PLPP4: variants seen among roughly 807,000 people sequenced by gnomAD.
The protein encoded by PLPP4 is diacylglycerol pyrophosphate like 2.
In PLPP4, 20 loss-of-function variants were observed where a neutral mutation model predicts 32.2. The ratio of observed to expected loss-of-function variants is 0.62; its 90% CI spans 0.44 to 0.90. PLPP4 has a LOEUF of 0.90. Among genes scored for constraint, PLPP4 ranks in the 40% least tolerant of loss-of-function variants. The pLI, the probability that PLPP4 is intolerant of heterozygous loss-of-function variation, is 0.00. For synonymous variants in PLPP4, 127 were observed against 133.0 expected, an observed-to-expected ratio of 0.95 and a Z score of 0.31; for missense variants, 257 against 353.1, an observed-to-expected ratio of 0.73 and a Z score of 2.18.
At chr10:120,545,899 C>T (rs1333088384) in intron 5 of PLPP4, among the ~76,000 whole-genome samples, 1 of 152,084 alleles carries the variant, frequency 6.6e-6, no homozygotes, top group Non-Finnish European at 1.5e-5. Flanking sequence ...CAGCTGCCAG[C>T]GCGGCTAGAA....
chr10:120,543,298 T>C (rs1034834335), intron 5 of PLPP4, among the ~76,000 whole-genome samples: 20 of 152,254 alleles, frequency 1.3e-4, no homozygotes, highest in African/African-American at 4.8e-4. Flanking sequence ...CTGTGGATGG[T>C]AGAGGCAGAG....
chr10:120,473,300 A>G (rs369384265), intron 1 of PLPP4, among the ~76,000 whole-genome samples: 24 of 151,048 alleles, frequency 1.6e-4, no homozygotes, highest in African/African-American at 4.9e-4. Flanking sequence ...GGGCAAATCT[A>G]TCTTGTTTTT....
rs1564855638 is a variant in PLPP4 at position 120,580,675 on chromosome 10, ACAC to A, written c.616+5375_616+5377del. 1.1e-4 allele frequency among the ~76,000 whole-genome samples: 15 copies of A among 133,632 alleles called. 1 individual carries two copies. The highest frequency in any genetic ancestry group is 3.7e-3 in the Middle Eastern group (1 of 272). The allele number at this position is 133,632 out of a possible 152,430, so 87.7% of individuals were successfully genotyped here. ...CACACACACACACACACACACACAC[ACAC>A]ACGGCTGAGGGACATACACTGTTAT... On this transcript the variant is annotated intron_variant, in intron 6 of 6. Transcript: ENST00000398250.
intron 6 of PLPP4, among the ~76,000 whole-genome samples, chr10:120,575,913 G>A (rs965683299): frequency 1.3e-5 from 2 of 152,186 alleles, no homozygotes; most frequent in African/African-American, 2.4e-5. Context: ...CAGACAAACT[G>A]CAGCTCACAG....
rs933972164 is a variant in PLPP4, at chr10:120,589,420, C to A, written c.734C>A (p.Ala245Asp). Residue 245 changes from alanine (A) to aspartate (D), a missense_variant, in exon 7 of 7, where the codon GCC (alanine) becomes GAC (aspartate). Ala to Asp is a moderately radical substitution (Grantham distance 126, BLOSUM62 -2). Coordinates refer to ENST00000398250, the MANE Select transcript of PLPP4 (RefSeq NM_001030059.3). ...HKPYVSLRVPASLKKEERPTA... is the reference protein window; with the variant it reads ...HKPYVSLRVPDSLKKEERPTA... ...CCCTACGTTAGTCTGCGAGTCCCAG[C>A]CTCACTGAAGAAAGAGGAGAGGCCC... The A allele has an allele frequency of 6.2e-7, 1 of 1,614,080 alleles. No homozygotes were observed. Among genetic ancestry groups the A allele is most frequent in the African/African-American group, 1.3e-5 (1 of 75,056 alleles).
intron 5 of PLPP4, among the ~76,000 whole-genome samples, chr10:120,574,158 ACACACACACACTCTCT>A (rs1564849995): frequency 3.3e-5 from 4 of 121,182 alleles, no homozygotes; most frequent in African/African-American, 1.1e-4. Flanking sequence ...ACACACACAC[ACACACACACACTCTCT>A]CTCTCTCTCT....
chr10:120,473,031 T>C (rs1848584470), intron 1 of PLPP4, among the ~76,000 whole-genome samples: 1 of 152,206 alleles, frequency 6.6e-6, no homozygotes, highest in Non-Finnish European at 1.5e-5. Context: ...TTTTAACATA[T>C]TCATAATGGA....
chr10:120,476,300 CT>C (rs199884645), intron 1 of PLPP4, among the ~76,000 whole-genome samples: 1 of 151,924 alleles, frequency 6.6e-6, no homozygotes, highest in African/African-American at 2.4e-5. Flanking sequence ...TGCTTCTTCT[CT>C]TTTTTTTGTT....
chr10:120,457,333 G>A lies in PLPP4; in HGVS notation c.28G>A (p.Val10Met), dbSNP rs1191939275. 7.8e-6 allele frequency: 12 copies of A among 1,536,174 alleles called. No homozygotes were observed. The South Asian group carries it at 1.3e-4, about 17-fold the overall frequency. Residue 10 changes from valine to methionine, a missense_variant, in exon 1 of 7, where the codon GTG becomes ATG. By Grantham distance (21) the Val-to-Met change is conservative (BLOSUM62 1). Transcript: ENST00000398250. MRELAIEIGVRALLFGVFVF... is the reference protein window; with the variant it reads MRELAIEIGMRALLFGVFVF... ...GCGGGAGCTGGCCATTGAGATCGGGGTGCGAGCCCTGCTCTTCGGAGTCTT... is the reference window on the plus strand; with the variant it reads ...GCGGGAGCTGGCCATTGAGATCGGGATGCGAGCCCTGCTCTTCGGAGTCTT...
At chr10:120,538,332 G>C (rs7083770) in intron 5 of PLPP4, among the ~76,000 whole-genome samples, 193 of 151,550 alleles carry the variant, frequency 1.3e-3, no homozygotes, top group Middle Eastern at 6.8e-3. Context: ...CTCTGCCAAA[G>C]GAAAATGAAA....
At chr10:120,518,699 C>T (rs2133903064) in intron 3 of PLPP4, 134 bp from the exon 4 acceptor site, 1 of 664,012 alleles carries the variant, frequency 1.5e-6, no homozygotes, top group South Asian at 3.0e-5. Flanking sequence ...TCTCTGTTTT[C>T]AAAGTATTCG....
chr10:120,531,860 A>G (rs1242548670), intron 5 of PLPP4, among the ~76,000 whole-genome samples: 2 of 131,908 alleles, frequency 1.5e-5, no homozygotes, highest in East Asian at 4.5e-4. Flanking sequence ...GTGTGTACAC[A>G]CACTACACAC....
At chr10:120,544,906 T>G (rs1347132122) in intron 5 of PLPP4, among the ~76,000 whole-genome samples, 1 of 152,234 alleles carries the variant, frequency 6.6e-6, no homozygotes, top group East Asian at 1.9e-4. Context: ...CCATCTCCAC[T>G]CAGACATTTG....
intron 2 of PLPP4, among the ~76,000 whole-genome samples, chr10:120,512,526 A>G (rs1845770292): frequency 1.3e-5 from 2 of 152,214 alleles, no homozygotes; most frequent in South Asian, 4.1e-4. Context: ...TCCCCGAGAT[A>G]ATTTGAGCTC....
At chr10:120,570,741 G>C (rs1848896249) in intron 5 of PLPP4, among the ~76,000 whole-genome samples, 1 of 152,088 alleles carries the variant, frequency 6.6e-6, no homozygotes, top group Non-Finnish European at 1.5e-5. Context: ...CTGGAGAGAA[G>C]AATTAGTGAT....
chr10:120,523,297 T>A (rs538593383), intron 5 of PLPP4, among the ~76,000 whole-genome samples: 4 of 151,176 alleles, frequency 2.6e-5, no homozygotes, highest in Admixed American at 2.0e-4. Flanking sequence ...TGAGACTCCA[T>A]CTCAAGAAAA....
chr10:120,500,344 G>A (rs1010570258), intron 1 of PLPP4, among the ~76,000 whole-genome samples: 5 of 152,226 alleles, frequency 3.3e-5, no homozygotes, highest in Admixed American at 2.6e-4. Flanking sequence ...CAGAGTGGGG[G>A]TGTGTGGCCA....
At chr10:120,502,130 G>T (rs1328240104) in intron 1 of PLPP4, among the ~76,000 whole-genome samples, 2 of 152,196 alleles carry the variant, frequency 1.3e-5, no homozygotes, top group Non-Finnish European at 2.9e-5. Context: ...CAGATTTAGG[G>T]CTGGTGAAGG....
chr10:120,515,330 C>A (rs1302761680), intron 3 of PLPP4, among the ~76,000 whole-genome samples: 1 of 152,208 alleles, frequency 6.6e-6, no homozygotes, highest in Non-Finnish European at 1.5e-5. Flanking sequence ...TCCTCACACT[C>A]CCAGCCTGAT....
Sources: allele counts gnomAD v4.1 joint callset (sites outside exome capture counted in the v4.1 genomes callset), GRCh38; gene constraint gnomAD v4.1.1; transcripts MANE v1.5; gene names NCBI Gene and HGNC (gene_info 2026-07-23, HGNC 2026-07-21).